The following EGF variants were observed in gnomAD, a reference collection of about 807,000 sequenced individuals.
The protein encoded by EGF is epidermal growth factor.
In EGF, 95 loss-of-function variants were observed where a neutral mutation model predicts 143.8. The ratio of observed to expected loss-of-function variants is 0.66; its 90% CI spans 0.56 to 0.78. The LOEUF is 0.78. Among genes scored for constraint, EGF ranks in the 30% least tolerant of loss-of-function variants. The pLI is 0.00. For missense variants in EGF, 1,320 were observed against 1,470.9 expected, an observed-to-expected ratio of 0.90 and a Z score of 1.68; for synonymous variants, 510 against 510.5, an observed-to-expected ratio of 1.00 and a Z score of 0.01.
rs553598716 is a variant in EGF at position 109,967,848 on chromosome 4, A to G, written c.1576-1123A>G. On this transcript the variant is annotated intron_variant, in intron 10 of 23. Transcript: ENST00000265171. The stretch of plus-strand genomic sequence containing the variant: ...AATACTGTAAGCAGTATTGTAACAC[A>G]GTAGTAAAAATTTGTGTATCTAAAC... 7.9e-5 allele frequency among the ~76,000 whole-genome samples: 12 copies of G among 152,308 alleles called. No individual in the cohort carries two copies. In the South Asian group the frequency reaches 2.5e-3, roughly 32 times the overall value.
intron 13 of EGF, among the ~76,000 whole-genome samples, chr4:109,978,101 G>A (rs1184528238): frequency 2.0e-5 from 3 of 152,078 alleles, no homozygotes; most frequent in Non-Finnish European, 4.4e-5. Context: ...CCATCTACTG[G>A]TATATATGTG....
chr4:109,951,176 T>TAA (rs1560678509), intron 5 of EGF, among the ~76,000 whole-genome samples: 4 of 150,324 alleles, frequency 2.7e-5, no homozygotes, highest in Admixed American at 1.3e-4. Flanking sequence ...TAAAATAAAA[T>TAA]AAAATAAAAT....
chr4:109,938,317 C>T (rs1741227334), intron 1 of EGF, among the ~76,000 whole-genome samples: 1 of 152,148 alleles, frequency 6.6e-6, no homozygotes, highest in South Asian at 2.1e-4. Context: ...ACTATTGAAG[C>T]TTGTGCATGT....
chr4:109,969,070 G>T lies in EGF; in HGVS notation c.1675G>T (p.Gly559Cys). 6.2e-7 allele frequency: 1 copy of T among 1,614,208 alleles called. No individual in the cohort carries two copies. The highest frequency in any genetic ancestry group is 1.1e-5 in the South Asian group (1 of 91,084). The change falls in exon 11 of 24, where the codon GGT becomes TGT. Residue 559 changes from glycine (G) to cysteine (C), a missense_variant. Physicochemically the swap from Gly to Cys is radical, Grantham distance 159. Around this residue, in one of 5 missense-constraint regions of EGF, gnomAD observed 1,186 missense variants for 1,313.7 expected, o/e 0.90. Transcript: ENST00000265171. ...LIEEGVDVPE[G>C]LAVDWIGRRF... ...TGAGGAAGGAGTAGATGTGCCAGAA[G>T]GTCTTGCTGTGGACTGGATTGGCCG...
chr4:109,972,996 T>A (rs932855337), intron 11 of EGF, among the ~76,000 whole-genome samples: 1 of 152,152 alleles, frequency 6.6e-6, no homozygotes. Flanking sequence ...TTAACAGATG[T>A]TTATTGAATG....
rs113064704 is a variant in EGF at position 110,012,125 on chromosome 4, G to T, written c.*670G>T. The T allele has an allele frequency of 2.0e-5, 3 of 152,232 alleles. No individual in the cohort carries two copies. The highest frequency in any genetic ancestry group is 7.2e-5 in the African/African-American group (3 of 41,548). The allele number at this position is 152,232 out of a possible 1,614,324, so 9.4% of individuals were successfully genotyped here. ...GTCATTACTGTCCTTTTCCCCTACAGAATTTTCCCTCTTGGTGTGATTGCA... is the reference window on the plus strand; with the variant it reads ...GTCATTACTGTCCTTTTCCCCTACATAATTTTCCCTCTTGGTGTGATTGCA... On this transcript the variant is annotated 3_prime_UTR_variant, in exon 24 of 24. Transcript: ENST00000265171.
chr4:109,945,980 A>G (rs766554035), intron 5 of EGF, among the ~76,000 whole-genome samples: 2 of 152,100 alleles, frequency 1.3e-5, no homozygotes, highest in African/African-American at 2.4e-5. Context: ...GCTTTTCTGC[A>G]TCTCTTTCTT....
At chr4:109,996,203 T>C (rs1751772856) in intron 20 of EGF, among the ~76,000 whole-genome samples, 1 of 152,242 alleles carries the variant, frequency 6.6e-6, no homozygotes, top group Non-Finnish European at 1.5e-5. Flanking sequence ...CAGGGTTACA[T>C]ACTGCATTTA....
intron 1 of EGF, among the ~76,000 whole-genome samples, chr4:109,934,772 C>T (rs1334283337): frequency 6.6e-6 from 1 of 152,180 alleles, no homozygotes; most frequent in Non-Finnish European, 1.5e-5. Context: ...TTTCAGCTTT[C>T]TCCATATGTC....
intron 1 of EGF, among the ~76,000 whole-genome samples, chr4:109,916,212 G>T (rs981601748): frequency 6.6e-6 from 1 of 152,134 alleles, no homozygotes; most frequent in Non-Finnish European, 1.5e-5. Flanking sequence ...CGGCTAAGGC[G>T]TGGTCAGCAT....
chr4:109,947,218 G>A (rs1236523066), intron 5 of EGF, among the ~76,000 whole-genome samples: 1 of 151,946 alleles, frequency 6.6e-6, no homozygotes, highest in Non-Finnish European at 1.5e-5. Flanking sequence ...TGTTATAATC[G>A]TTAGGCTGCT....
intron 22 of EGF, among the ~76,000 whole-genome samples, chr4:110,007,088 G>T (rs1753405078): frequency 6.6e-6 from 1 of 152,154 alleles, no homozygotes; most frequent in Non-Finnish European, 1.5e-5. Context: ...TGTTGCTGCA[G>T]GAGATCATCA....
chr4:109,931,106 C>A (rs1780679477), intron 1 of EGF, among the ~76,000 whole-genome samples: 1 of 152,202 alleles, frequency 6.6e-6, no homozygotes, highest in African/African-American at 2.4e-5. Flanking sequence ...AATCCACAGA[C>A]TGTACCACAC....
chr4:110,008,721 G>A (rs1482593794), intron 23 of EGF, among the ~76,000 whole-genome samples: 8 of 152,156 alleles, frequency 5.3e-5, no homozygotes, highest in African/African-American at 9.7e-5. Context: ...TTAGCCAGAC[G>A]CCTGGCTGTC....
chr4:110,004,359 G>A, intron 21 of EGF, 146 bp from the exon 22 acceptor site: 1 of 775,204 alleles, frequency 1.3e-6, no homozygotes, highest in East Asian at 2.5e-5. Flanking sequence ...CTAAAGTTAT[G>A]TTCCTAGTTA....
intron 1 of EGF, among the ~76,000 whole-genome samples, chr4:109,931,367 A>G (rs980455813): frequency 6.6e-6 from 1 of 152,242 alleles, no homozygotes; most frequent in Non-Finnish European, 1.5e-5. Flanking sequence ...TTGACAGTGT[A>G]GGAAAAATAA....
At chr4:109,972,319 C>A (rs1747788625) in intron 11 of EGF, among the ~76,000 whole-genome samples, 1 of 152,174 alleles carries the variant, frequency 6.6e-6, no homozygotes, top group Non-Finnish European at 1.5e-5. Flanking sequence ...CTTGGGGGAG[C>A]TTTAAAAGTA....
At chr4:109,978,806 C>G (rs921879999) in intron 13 of EGF, among the ~76,000 whole-genome samples, 3 of 152,166 alleles carry the variant, frequency 2.0e-5, no homozygotes, top group African/African-American at 7.2e-5. Flanking sequence ...TAATTTGGGA[C>G]AAAGGGCCAG....
intron 1 of EGF, among the ~76,000 whole-genome samples, chr4:109,938,891 G>C (rs996457092): frequency 6.6e-6 from 1 of 152,196 alleles, no homozygotes; most frequent in African/African-American, 2.4e-5. Context: ...TCCTCTGGAA[G>C]CTTTGTCCCA....
Sources: gnomAD v4.1 joint callset for allele counts (sites outside exome capture counted in the v4.1 genomes callset) on GRCh38, gnomAD v4.1.1 for gene constraint, gnomAD v4.1.1 regional missense constraint, MANE v1.5 for transcripts, NCBI Gene and HGNC (gene_info 2026-07-23, HGNC 2026-07-21) for gene names.